LINC01488: variants seen among roughly 807,000 people sequenced by gnomAD.
The protein encoded by LINC01488 is CCND1-upstream intergenic DNA repair 1.
At chr11:69,485,090 G>A (rs541118614) in intron 1 of LINC01488, among the ~76,000 whole-genome samples, 3 of 152,300 alleles carry the variant, frequency 2.0e-5, no homozygotes, top group Non-Finnish European at 4.4e-5. Context: ...ATGGGAAGTG[G>A]GGGGCGGGGT....
exon 2 of LINC01488, chr11:69,490,525 T>C (rs1857204263): frequency 6.6e-6 from 1 of 152,208 alleles, no homozygotes; most frequent in Non-Finnish European, 1.5e-5. Flanking sequence ...ATTAAAACAA[T>C]GGAAGCAGGT....
chr11:69,484,762 C>A (rs139184189), intron 1 of LINC01488, among the ~76,000 whole-genome samples: 136 of 152,334 alleles, frequency 8.9e-4, no homozygotes, highest in African/African-American at 3.0e-3. Context: ...TCCCTGCACT[C>A]CTGGGGCCTC....
intron 1 of LINC01488, chr11:69,481,785 T>C (rs1857050366): frequency 6.6e-6 from 1 of 152,284 alleles, no homozygotes; most frequent in South Asian, 2.1e-4. Flanking sequence ...ATCCAGCAAG[T>C]AAGGTCTCTA....
exon 4 of LINC01488, chr11:69,492,130 A>T (rs1857232209): frequency 2.0e-5 from 3 of 152,156 alleles, no homozygotes; most frequent in Admixed American, 1.3e-4. Context: ...ATGAGAAGAG[A>T]CTGGAGAGAG....
intron 1 of LINC01488, chr11:69,485,873 G>T (rs1426926290): frequency 6.6e-6 from 1 of 152,252 alleles, no homozygotes; most frequent in Non-Finnish European, 1.5e-5. Flanking sequence ...CGAGGTAGCA[G>T]GACCCCCTTG....
At chr11:69,488,330 G>T (rs956107986) in intron 1 of LINC01488, 1 of 152,462 alleles carries the variant, frequency 6.6e-6, no homozygotes. Flanking sequence ...ACACAGCAAG[G>T]CCCAGACAGG....
At chr11:69,482,371 T>C (rs1461367242) in intron 1 of LINC01488, among the ~76,000 whole-genome samples, 8 of 149,324 alleles carry the variant, frequency 5.4e-5, no homozygotes, top group African/African-American at 1.7e-4. Context: ...GAGATGTGAG[T>C]GGGGACACAA....
chr11:69,492,274 A>G (rs1857234888), exon 4 of LINC01488: 1 of 152,148 alleles, frequency 6.6e-6, no homozygotes, highest in Admixed American at 6.5e-5. Flanking sequence ...GAAATGAGGG[A>G]AAGAGGGATG....
exon 4 of LINC01488, chr11:69,492,410 A>G (rs1565194800): frequency 2.0e-5 from 3 of 152,314 alleles, no homozygotes; most frequent in Non-Finnish European, 4.4e-5. Flanking sequence ...AGAGGAGGAG[A>G]TGGCCCTGGA....
At chr11:69,485,341 G>T (rs999838537) in intron 1 of LINC01488, among the ~76,000 whole-genome samples, 1 of 152,180 alleles carries the variant, frequency 6.6e-6, no homozygotes, top group African/African-American at 2.4e-5. Context: ...ATGTGCTGGG[G>T]GCTCAGGAGT....
intron 1 of LINC01488, among the ~76,000 whole-genome samples, chr11:69,489,184 C>T (rs1857174544): frequency 6.6e-6 from 1 of 152,030 alleles, no homozygotes; most frequent in Non-Finnish European, 1.5e-5. Context: ...AGGGGTCTCC[C>T]CACCGCAGAC....
At chr11:69,482,378 A>G (rs1012424797) in intron 1 of LINC01488, among the ~76,000 whole-genome samples, 5 of 148,492 alleles carry the variant, frequency 3.4e-5, no homozygotes, top group Non-Finnish European at 5.9e-5. Context: ...GAGTGGGGAC[A>G]CAACCAAACA....
chr11:69,488,724 C>A (rs973708840), intron 1 of LINC01488, among the ~76,000 whole-genome samples: 1 of 152,230 alleles, frequency 6.6e-6, no homozygotes, highest in Non-Finnish European at 1.5e-5. Context: ...GCCCAGGAGC[C>A]AGGCCTTCCA....
chr11:69,487,603 G>A (rs946581999), intron 1 of LINC01488, among the ~76,000 whole-genome samples: 1 of 152,174 alleles, frequency 6.6e-6, no homozygotes, highest in African/African-American at 2.4e-5. Flanking sequence ...TCATGGCGCT[G>A]GGCCTCCCTG....
chr11:69,482,829 C>T (rs889725380), intron 1 of LINC01488, among the ~76,000 whole-genome samples: 4 of 152,202 alleles, frequency 2.6e-5, no homozygotes, highest in African/African-American at 9.6e-5. Context: ...TCTGCAGTCT[C>T]TTTCCTTGGC....
chr11:69,489,281 T>C (rs1431809324), intron 1 of LINC01488, among the ~76,000 whole-genome samples: 1 of 151,900 alleles, frequency 6.6e-6, no homozygotes, highest in Non-Finnish European at 1.5e-5. Flanking sequence ...GGAGCTGGTT[T>C]CTCCGAAACT....
Position 69,484,185 on chromosome 11 carries a change from C to T in LINC01488, n.122+2402C>T, listed in dbSNP as rs908358079. Among the ~76,000 whole-genome samples, 3 of 152,262 alleles carry T rather than the reference C, an allele frequency of 2.0e-5. No homozygotes were observed. In the East Asian group the frequency reaches 5.8e-4, roughly 30 times the overall value. On this transcript the variant is annotated intron_variant and non_coding_transcript_variant, in intron 1 of 3. Transcript: ENST00000644563. ...CGTTCTGCAGCTTCGAGATAGAGAGCGACCTCAGAACACTCAGCCAAGAAA... is the reference window on the plus strand; with the variant it reads ...CGTTCTGCAGCTTCGAGATAGAGAGTGACCTCAGAACACTCAGCCAAGAAA...
intron 1 of LINC01488, among the ~76,000 whole-genome samples, chr11:69,482,086 C>T (rs1857052955): frequency 1.3e-5 from 2 of 151,772 alleles, no homozygotes; most frequent in African/African-American, 2.4e-5. Context: ...CCTGAGACTG[C>T]ATAATTTATG....
chr11:69,486,996 G>A (rs1428287849), intron 1 of LINC01488, among the ~76,000 whole-genome samples: 1 of 152,240 alleles, frequency 6.6e-6, no homozygotes, highest in Non-Finnish European at 1.5e-5. Flanking sequence ...GTGCTGGGGG[G>A]TCCTGGCCCC....
Sources: gnomAD v4.1 joint callset for allele counts (sites outside exome capture counted in the v4.1 genomes callset) on GRCh38, gnomAD v4.1.1 for gene constraint, MANE v1.5 for transcripts, NCBI Gene and HGNC (gene_info 2026-07-23, HGNC 2026-07-21) for gene names.